Variants in PACSIN2 observed in about 807,000 individuals in gnomAD.
PACSIN2 encodes protein kinase C and casein kinase substrate in neurons 2.
Under a neutral mutation model 63.8 loss-of-function variants are expected in PACSIN2, and 25 were observed. The observed-to-expected ratio is 0.39, with a 90% CI of 0.29 to 0.55. PACSIN2 has a LOEUF of 0.55. Ranked by LOEUF, PACSIN2 falls within the 20% of genes least tolerant of loss-of-function variation. The pLI, the probability that PACSIN2 is intolerant of heterozygous loss-of-function variation, is 0.62. For synonymous variants in PACSIN2, 255 were observed against 256.2 expected (o/e 1.00, Z 0.05); for missense variants, 518 against 646.9 (o/e 0.80, Z 2.16).
intron 2 of PACSIN2, among the ~76,000 whole-genome samples, chr22:42,906,623 T>C (rs1931093061): frequency 6.6e-6 from 1 of 152,118 alleles, no homozygotes; most frequent in Non-Finnish European, 1.5e-5. Flanking sequence ...GGAAAACTAT[T>C]TTCTCACTGG....
intron 2 of PACSIN2, among the ~76,000 whole-genome samples, chr22:42,905,393 T>G (rs536084706): frequency 4.6e-5 from 7 of 152,390 alleles, no homozygotes; most frequent in Non-Finnish European, 1.0e-4. Flanking sequence ...TCATTTAGAC[T>G]TGGCCTTGCC....
chr22:42,902,903 C>T lies in PACSIN2; in HGVS notation c.60+9118G>A, dbSNP rs183195986. On this transcript the variant is annotated intron_variant, in intron 2 of 10. Transcript: ENST00000263246. ...TGTTGGGAATACAGGTGTGAGCCAC[C>T]GCGCCCGGCCTATTTATCAGTTCTC... Among the ~76,000 whole-genome samples, 56 of 152,324 alleles carry T rather than the reference C, an allele frequency of 3.7e-4. 1 individual carries two copies. The South Asian group carries it at 6.6e-3, about 18-fold the overall frequency.
rs1424751594 is a variant in PACSIN2, at chr22:42,912,076, G to C, written c.5C>G (p.Ser2Cys). The C allele has an allele frequency of 6.3e-7, 1 of 1,596,934 alleles. No individual in the cohort carries two copies. Among genetic ancestry groups the C allele is most frequent in the Non-Finnish European group, 8.5e-7 (1 of 1,173,648 alleles). The change falls in exon 2 of 11, where the codon TCT becomes TGT. Residue 2 changes from serine to cysteine, a missense_variant. Around this residue, in one of 2 missense-constraint regions of PACSIN2, gnomAD observed 507 missense variants for 612.3 expected, o/e 0.83. Transcript: ENST00000263246. M[S>C]VTYDDSVGVE... ...TCCAACGGAATCATCATATGTGACA[G>C]ACATTTTTTCAAAGGCTGAGGGAGC... is the stretch of plus-strand genomic sequence containing the variant.
chr22:42,994,100 A>T (rs1923235104), intron 1 of PACSIN2, among the ~76,000 whole-genome samples: 1 of 152,230 alleles, frequency 6.6e-6, no homozygotes. Flanking sequence ...TGTAGACTGG[A>T]ATCCTTCTGA....
intron 1 of PACSIN2, among the ~76,000 whole-genome samples, chr22:43,009,436 G>T (rs1379406326): frequency 6.6e-6 from 1 of 152,208 alleles, no homozygotes; most frequent in African/African-American, 2.4e-5. Flanking sequence ...CAGGTGAGAG[G>T]GAGCTTAGAG....
intron 10 of PACSIN2, among the ~76,000 whole-genome samples, chr22:42,873,089 A>G (rs1001869284): frequency 1.3e-5 from 2 of 152,266 alleles, no homozygotes; most frequent in African/African-American, 2.4e-5. Flanking sequence ...CTAATTTTGC[A>G]TTGTTAAAAA....
chr22:42,995,232 C>A (rs900522983), intron 1 of PACSIN2, among the ~76,000 whole-genome samples: 1 of 152,250 alleles, frequency 6.6e-6, no homozygotes, highest in Admixed American at 6.5e-5. Context: ...TCATGTTTCA[C>A]AATAACTCCA....
intron 1 of PACSIN2, among the ~76,000 whole-genome samples, chr22:42,965,612 C>A (rs1181070251): frequency 6.6e-6 from 1 of 152,198 alleles, no homozygotes; most frequent in East Asian, 1.9e-4. Flanking sequence ...AGTTCTGTGT[C>A]ATTTTAGCCC....
rs1379038128 is a variant in PACSIN2, at chr22:42,882,194, G to A, written c.896C>T (p.Pro299Leu). The change falls in exon 7 of 11, where the codon CCG becomes CTG. Residue 299 changes from proline to leucine, a missense_variant. By Grantham distance (98) the Pro-to-Leu change is moderately conservative. This residue lies in a region of PACSIN2 where 507 missense variants were observed against 612.3 expected (regional missense o/e 0.83). Coordinates refer to ENST00000263246, the MANE Select transcript of PACSIN2 (RefSeq NM_001184970.3). ...ACACCCTCCTCTTACCTCAAACTGC[G>A]GCCAGTTCATGGCCATGCCCGGCCC... is the stretch of plus-strand genomic sequence containing the variant. ...NHGPGMAMNW[P>L]QFEEWSADLN... 6.8e-6 allele frequency: 11 copies of A among 1,614,036 alleles called. No individual in the cohort carries two copies. The highest frequency in any genetic ancestry group is 1.7e-5 in the Admixed American group (1 of 60,026).
In PACSIN2 at chr22:42,967,170, G is replaced by C. The variant is rs1034502031; in HGVS notation, c.-78+47851C>G. ...GGGACAGGGGGCCAGGAAGAGATGT[G>C]AGAAGATGCCCAGGAAGGCTGGACT... is the stretch of plus-strand genomic sequence containing the variant. On this transcript the variant is annotated intron_variant, in intron 1 of 10. Transcript: ENST00000263246. 5.9e-5 allele frequency among the ~76,000 whole-genome samples: 9 copies of C among 152,242 alleles called. No individual in the cohort carries two copies. In the South Asian group the frequency reaches 1.5e-3, roughly 25 times the overall value.
At chr22:42,962,313 T>TA (rs1378652139) in intron 1 of PACSIN2, among the ~76,000 whole-genome samples, 1 of 152,130 alleles carries the variant, frequency 6.6e-6, no homozygotes, top group African/African-American at 2.4e-5. Flanking sequence ...ACACAGCACT[T>TA]ACTTTATTTC....
chr22:42,985,723 C>T (rs1463522802), intron 1 of PACSIN2, among the ~76,000 whole-genome samples: 3 of 152,196 alleles, frequency 2.0e-5, no homozygotes, highest in Admixed American at 6.5e-5. Flanking sequence ...TGCCTCTTCA[C>T]CACATTATAT....
chr22:42,967,490 A>G (rs1001746255), intron 1 of PACSIN2, among the ~76,000 whole-genome samples: 64 of 152,246 alleles, frequency 4.2e-4, no homozygotes, highest in African/African-American at 1.5e-3. Context: ...ATCAATGAAA[A>G]GCCTTAAACT....
chr22:42,924,465 T>C (rs2146756458), intron 1 of PACSIN2, among the ~76,000 whole-genome samples: 1 of 152,330 alleles, frequency 6.6e-6, no homozygotes, highest in Non-Finnish European at 1.5e-5. Flanking sequence ...CTCTGAACAG[T>C]GTGACCCTCT....
At chr22:42,994,482 A>G (rs940629575) in intron 1 of PACSIN2, among the ~76,000 whole-genome samples, 57 of 152,330 alleles carry the variant, frequency 3.7e-4, no homozygotes, top group African/African-American at 1.3e-3. Context: ...CTGTCCACAC[A>G]TACCCTGCCC....
chr22:42,917,467 T>C (rs978850483), intron 1 of PACSIN2, among the ~76,000 whole-genome samples: 1 of 151,684 alleles, frequency 6.6e-6, no homozygotes, highest in Non-Finnish European at 1.5e-5. Context: ...TAAAAAAAAT[T>C]AGCCAAGCAT....
At chr22:42,940,324 C>T (rs139900147) in intron 1 of PACSIN2, among the ~76,000 whole-genome samples, 5 of 152,258 alleles carry the variant, frequency 3.3e-5, no homozygotes, top group African/African-American at 1.2e-4. Context: ...GTCATTAGAT[C>T]GTGACCTTAT....
chr22:42,895,802 G>A (rs190570706), intron 2 of PACSIN2, among the ~76,000 whole-genome samples: 108 of 152,372 alleles, frequency 7.1e-4, no homozygotes, highest in African/African-American at 2.4e-3. Flanking sequence ...GCCAACGGGA[G>A]AAGGGCAGTA....
chr22:42,963,254 C>T (rs1200920443), intron 1 of PACSIN2, among the ~76,000 whole-genome samples: 1 of 152,212 alleles, frequency 6.6e-6, no homozygotes, highest in Non-Finnish European at 1.5e-5. Flanking sequence ...AAATGAGGGA[C>T]ATCTCGTGCT....
Sources: gnomAD v4.1 joint callset for allele counts (sites outside exome capture counted in the v4.1 genomes callset) on GRCh38, gnomAD v4.1.1 for gene constraint, gnomAD v4.1.1 regional missense constraint, MANE v1.5 for transcripts, NCBI Gene and HGNC (gene_info 2026-07-23, HGNC 2026-07-21) for gene names.